The following MYH7B variants were observed in gnomAD, a reference collection of about 807,000 sequenced individuals.
The protein encoded by MYH7B is myosin-7B.
Under a neutral mutation model 234.5 loss-of-function variants are expected in MYH7B, and 205 were observed. The observed-to-expected ratio is 0.87, with a 90% CI of 0.78 to 0.98. The LOEUF is 0.98. MYH7B is among the 50% of genes least tolerant of loss of function. The pLI is 0.00. For synonymous variants in MYH7B, 1,193 were observed against 1,105.0 expected, an observed-to-expected ratio of 1.08 and a Z score of -1.58; for missense variants, 2,652 against 2,633.4, an observed-to-expected ratio of 1.01 and a Z score of -0.15.
chr20:34,995,950 C>T (rs1430078549), intron 28 of MYH7B, among the ~76,000 whole-genome samples: 1 of 152,208 alleles, frequency 6.6e-6, no homozygotes, highest in Non-Finnish European at 1.5e-5. Flanking sequence ...CGTGATGGCC[C>T]CTGTGGTTCC....
chr20:34,995,905 C>T lies in MYH7B; in HGVS notation c.2943+327C>T, dbSNP rs564544125. On this transcript the variant is annotated intron_variant, in intron 28 of 44. Transcript: ENST00000262873. ...GGGCAGGAACTCCATGTCCCCAGCT[C>T]GGCATCCCGCAGGTGACTTCTGCCC... is the stretch of plus-strand genomic sequence containing the variant. Among the ~76,000 whole-genome samples, 22 of 152,352 alleles carry T rather than the reference C, an allele frequency of 1.4e-4. No homozygotes were observed. In the South Asian group the frequency reaches 1.7e-3, roughly 11 times the overall value.
chr20:34,979,474 C>T lies in MYH7B; in HGVS notation c.176C>T (p.Thr59Ile), dbSNP rs757141332. The T allele has an allele frequency of 1.4e-5, 23 of 1,613,542 alleles. No homozygotes were observed. In the Admixed American group the frequency reaches 2.0e-4, roughly 14 times the overall value. ...TCGGAGGCTACCGGGGGCAGAGTCA[C>T]CGTGGAGACCAAAGACCAGAAGGTT... Residue 59 changes from threonine (T) to isoleucine (I), a missense_variant, in exon 6 of 45, where the codon ACC becomes ATC. By Grantham distance (89) the Thr-to-Ile change is moderately conservative (BLOSUM62 -1). Coordinates refer to ENST00000262873, the Ensembl canonical transcript of MYH7B.
chr20:34,990,465 C>G (rs1475405341), intron 22 of MYH7B, 155 bp downstream of exon 22: 7 of 959,238 alleles, frequency 7.3e-6, no homozygotes, highest in Non-Finnish European at 1.0e-5. Context: ...CAAGTCTGTG[C>G]TGCTTCCCGT....
intron 2 of MYH7B, among the ~76,000 whole-genome samples, chr20:34,959,477 CTTTCTT>C (rs944716414): frequency 3.2e-5 from 4 of 126,774 alleles, no homozygotes; most frequent in African/African-American, 1.4e-4. Flanking sequence ...TTTTTTCTTT[CTTTCTT>C]TTTTTTTTTT....
At chr20:34,980,719 A>G (rs1470966801) in exon 8 of MYH7B, 2 of 1,614,122 alleles carry the variant, frequency 1.2e-6, no homozygotes, top group Non-Finnish European at 1.7e-6. Flanking sequence ...CAACGCCTAC[A>G]ACGACATGCT....
chr20:34,992,327 A>G lies in MYH7B; in HGVS notation c.2184-775A>G, dbSNP rs1184610574. ...CCTGAACCCGGGAGGCAGAGCTTGC[A>G]GTGAGCAGAGATCGTGCCACTGCAC... On this transcript the variant is annotated intron_variant, in intron 24 of 44. Coordinates refer to ENST00000262873, the Ensembl canonical transcript of MYH7B. 2.0e-5 allele frequency among the ~76,000 whole-genome samples: 3 copies of G among 148,616 alleles called. No homozygotes were observed. In the South Asian group the frequency reaches 6.5e-4, roughly 32 times the overall value.
intron 3 of MYH7B, among the ~76,000 whole-genome samples, chr20:34,976,782 C>T (rs757136348): frequency 4.6e-5 from 7 of 152,160 alleles, no homozygotes; most frequent in Non-Finnish European, 8.8e-5. Context: ...AAGAGGGCAT[C>T]GATGTGCTCC....
chr20:34,999,750 T>TG lies in MYH7B; in HGVS notation c.4666-41_4666-40insG. The TG allele has an allele frequency of 3.0e-6, 4 of 1,320,504 alleles. No homozygotes were observed. In the South Asian group the frequency reaches 4.2e-5, roughly 14 times the overall value. The allele number at this position is 1,320,504 out of a possible 1,614,324, so 81.8% of individuals were successfully genotyped here. A position where few individuals can be genotyped will look rare whatever the true frequency, so the allele number is the denominator to read the frequency against. ...CACTGACCTGCTGCTCCACTGGCCATCCCCCCCCCCCACCCTACCCTGCCT... is the reference window on the plus strand; with the variant it reads ...CACTGACCTGCTGCTCCACTGGCCATGCCCCCCCCCCCACCCTACCCTGCCT... On this transcript the variant is annotated intron_variant, in intron 37 of 44. Coordinates refer to ENST00000262873, the Ensembl canonical transcript of MYH7B.
intron 14 of MYH7B, 68 bp downstream of exon 14, chr20:34,986,266 C>T: frequency 7.9e-7 from 1 of 1,264,434 alleles, no homozygotes; most frequent in Non-Finnish European, 1.1e-6. Flanking sequence ...CTTCCTGGCC[C>T]CCATCAGGCC....
At chr20:35,001,038 C>A in exon 41 of MYH7B, 1 of 1,613,876 alleles carries the variant, frequency 6.2e-7, no homozygotes, top group Non-Finnish European at 8.5e-7. Flanking sequence ...CAAGTGCACA[C>A]CTGGAACGGA....
Position 34,979,738 on chromosome 20 carries a change from G to A in MYH7B, c.276G>A (p.Met92Ile), listed in dbSNP as rs944673040. The A allele has an allele frequency of 3.7e-6, 6 of 1,614,090 alleles. No individual in the cohort carries two copies. In the African/African-American group the frequency reaches 6.7e-5, roughly 18 times the overall value. Reference sequence around the variant, plus strand: ...ACTTACTGGAGGACATGGCCATGATGACGCACCTGAACGAGGCCTCTGTGC... The same window carrying A: ...ACTTACTGGAGGACATGGCCATGATAACGCACCTGAACGAGGCCTCTGTGC... The change falls in exon 7 of 45, where the codon ATG becomes ATA. Residue 92 changes from methionine to isoleucine, a missense_variant. Met to Ile is a conservative substitution (Grantham distance 10). This residue lies in a region of MYH7B where 366 missense variants were observed against 401.2 expected (regional missense o/e 0.91). Transcript: ENST00000262873.
At chr20:34,999,949 G>T (rs761166922) in intron 38 of MYH7B, 43 bp downstream of exon 38, 3 of 1,547,704 alleles carry the variant, frequency 1.9e-6, no homozygotes. Flanking sequence ...GAGAGCAGAA[G>T]GGGAGGGAAG....
In MYH7B at chr20:34,984,592, CCT is replaced by C. The variant is rs904995546; in HGVS notation, c.625-99_625-98del. 64 of 1,062,746 alleles carry C rather than the reference CCT, an allele frequency of 6.0e-5. 1 individual carries two copies. The South Asian group carries it at 6.8e-4, about 11-fold the overall frequency. 65.8% of individuals were successfully genotyped at this position (1,062,746 alleles called of 1,614,324 possible). A position where few individuals can be genotyped will look rare whatever the true frequency, so the allele number is the denominator to read the frequency against. Reference sequence around the variant, plus strand: ...GCATTCCGGTGACTAACTCCACCCCCCTGTCCTGCTGCCCGCTGCCTCCCGCT... The same window carrying C: ...GCATTCCGGTGACTAACTCCACCCCCGTCCTGCTGCCCGCTGCCTCCCGCT... On this transcript the variant is annotated intron_variant, in intron 10 of 44. Coordinates refer to ENST00000262873, the Ensembl canonical transcript of MYH7B.
intron 3 of MYH7B, among the ~76,000 whole-genome samples, chr20:34,976,723 A>G (rs1352837581): frequency 6.6e-6 from 1 of 152,162 alleles, no homozygotes; most frequent in East Asian, 1.9e-4. Flanking sequence ...TTCATGTATG[A>G]TTTCCCCAGG....
chr20:34,996,399 GA>G lies in MYH7B; in HGVS notation c.2998del (p.Thr1000ProfsTer25). 1.9e-6 allele frequency: 3 copies of G among 1,612,258 alleles called. No individual in the cohort carries two copies. Among genetic ancestry groups the G allele is most frequent in the Non-Finnish European group, 2.5e-6 (3 of 1,179,370 alleles). On this transcript the variant is annotated frameshift_variant, in exon 29 of 45. Coordinates refer to ENST00000262873, the Ensembl canonical transcript of MYH7B. LOFTEE classifies it high-confidence loss of function. Reference sequence around the variant, plus strand: ...CGCTGGACGAGTCAGTGGCCCGGCTGACCAAGGAGAAGAAGGCGTTGCAGGA... The same window carrying G: ...CGCTGGACGAGTCAGTGGCCCGGCTGCCAAGGAGAAGAAGGCGTTGCAGGA...
At chr20:34,968,261 A>G (rs1371146638) in intron 2 of MYH7B, among the ~76,000 whole-genome samples, 2 of 152,238 alleles carry the variant, frequency 1.3e-5, no homozygotes, top group Admixed American at 6.5e-5. Context: ...TGCAGATGCA[A>G]AGCTGAAGGA....
chr20:35,002,017 C>A (rs375468674), exon 44 of MYH7B: 1 of 1,614,040 alleles, frequency 6.2e-7, no homozygotes, highest in East Asian at 2.2e-5. Flanking sequence ...TGCGGAGGAG[C>A]GGGCAGACAT....
exon 13 of MYH7B, chr20:34,985,079 G>T (rs757267514): frequency 1.9e-6 from 3 of 1,614,116 alleles, no homozygotes; most frequent in Non-Finnish European, 2.5e-6. Context: ...AAGTTCATCC[G>T]CATTCACTTT....
At chr20:34,996,958 C>T (rs1258429847) in intron 30 of MYH7B, 125 bp from the exon 31 acceptor site, 1 of 1,277,434 alleles carries the variant, frequency 7.8e-7, no homozygotes, top group East Asian at 2.6e-5. Flanking sequence ...GCCTCAGGGC[C>T]CAGTGCAGCA....
Sources: gnomAD v4.1 joint callset for allele counts (sites outside exome capture counted in the v4.1 genomes callset) on GRCh38, gnomAD v4.1.1 for gene constraint, gnomAD v4.1.1 regional missense constraint, MANE v1.5 for transcripts, NCBI Gene and HGNC (gene_info 2026-07-23, HGNC 2026-07-21) for gene names.